The following NOX3 variants were observed in gnomAD, a reference collection of about 807,000 sequenced individuals.
The protein encoded by NOX3 is NADPH oxidase 3.
A neutral mutation model predicts 76.7 loss-of-function variants in NOX3; 74 were observed. That is an observed-to-expected ratio of 0.96 (90% CI 0.80 to 1.17). The LOEUF (loss-of-function observed/expected upper bound fraction) is 1.17, where lower values mean the gene tolerates loss of function less well. NOX3 is among the 50% of genes most tolerant of loss of function. The pLI, the probability that NOX3 is intolerant of heterozygous loss-of-function variation, is 0.00. For synonymous variants in NOX3, 263 were observed against 261.1 expected (o/e 1.01, Z -0.07); for missense variants, 695 against 703.3 (o/e 0.99, Z 0.13).
intron 6 of NOX3, among the ~76,000 whole-genome samples, chr6:155,439,476 G>A (rs1186792751): frequency 6.6e-6 from 1 of 152,112 alleles, no homozygotes; most frequent in Non-Finnish European, 1.5e-5. Context: ...GACCTGAAGG[G>A]CTCACTCTGA....
At position 155,415,019 on chromosome 6, in the gene NOX3, G is replaced by A. The variant is rs560406921; in HGVS notation, c.1309-3659C>T. Reference sequence around the variant, plus strand: ...GAGGGTTTCTGTGTGCATGTGGCCCGTCATAGACCTTAGTTTCACATCATT... The same window carrying A: ...GAGGGTTTCTGTGTGCATGTGGCCCATCATAGACCTTAGTTTCACATCATT... On this transcript the variant is annotated intron_variant, in intron 10 of 13. Coordinates refer to ENST00000159060, the MANE Select transcript of NOX3 (RefSeq NM_015718.3). Among the ~76,000 whole-genome samples, 43 of 152,218 alleles carry A rather than the reference G, an allele frequency of 2.8e-4. No individual in the cohort carries two copies. In the South Asian group the frequency reaches 7.3e-3, roughly 26 times the overall value.
At chr6:155,432,423 G>C (rs1186086395) in intron 7 of NOX3, among the ~76,000 whole-genome samples, 1 of 132,970 alleles carries the variant, frequency 7.5e-6, no homozygotes, top group African/African-American at 2.7e-5. Context: ...GGTGGGGGCA[G>C]GAAGGATGTC....
intron 7 of NOX3, among the ~76,000 whole-genome samples, chr6:155,431,826 G>C (rs1251113647): frequency 6.6e-6 from 1 of 152,192 alleles, no homozygotes; most frequent in Non-Finnish European, 1.5e-5. Context: ...GTCATAAAGG[G>C]ACGAAGGTGT....
intron 12 of NOX3, among the ~76,000 whole-genome samples, chr6:155,402,522 C>T (rs1015391305): frequency 2.0e-5 from 3 of 151,864 alleles, no homozygotes; most frequent in Admixed American, 1.3e-4. Context: ...TTTAATTTTT[C>T]TTCTCTCTCC....
intron 10 of NOX3, among the ~76,000 whole-genome samples, chr6:155,416,911 C>T (rs13213474): frequency 0.2 from 29,960 of 151,708 alleles, 3,132 homozygotes; most frequent in African/African-American, 0.24. Context: ...ACACCACGCC[C>T]GGCTAATTTT....
chr6:155,444,010 C>A (rs768727920), intron 4 of NOX3, among the ~76,000 whole-genome samples: 1 of 151,606 alleles, frequency 6.6e-6, no homozygotes, highest in African/African-American at 2.4e-5. Context: ...CTTAAGAAAT[C>A]GGAAAGCATT....
intron 4 of NOX3, among the ~76,000 whole-genome samples, chr6:155,448,779 T>G (rs757424721): frequency 2.6e-5 from 4 of 152,188 alleles, no homozygotes; most frequent in African/African-American, 4.8e-5. Flanking sequence ...GGAAGTGTGG[T>G]CTGTCCTTGC....
intron 12 of NOX3, 26 bp downstream of exon 12, chr6:155,407,104 G>A (rs1776474058): frequency 6.2e-7 from 1 of 1,613,666 alleles, no homozygotes; most frequent in Non-Finnish European, 8.5e-7. Context: ...GAGCCTGGCA[G>A]GGAGAGGAGC....
chr6:155,425,207 G>T (rs1392591552), intron 9 of NOX3, among the ~76,000 whole-genome samples: 1 of 151,944 alleles, frequency 6.6e-6, no homozygotes, highest in African/African-American at 2.4e-5. Context: ...TTCCTTTTTG[G>T]CATCTCAGGC....
chr6:155,429,010 A>T lies in NOX3; in HGVS notation c.929T>A (p.Met310Lys). ...CGCCATTTTAAAGCCACGCTTTTTC[A>T]TGTGAAGTTCCAGGACTCCAGAGGG... The part of the protein sequence containing the change: ...SHPSGVLELH[M>K]KKRGFKMAPG... Residue 310 changes from methionine to lysine, a missense_variant, in exon 9 of 14, where the codon ATG becomes AAG. By Grantham distance (95) the Met-to-Lys change is moderately conservative (BLOSUM62 -1). Coordinates refer to ENST00000159060, the MANE Select transcript of NOX3 (RefSeq NM_015718.3). 6.2e-7 allele frequency: 1 copy of T among 1,610,560 alleles called. No homozygotes were observed. The highest frequency in any genetic ancestry group is 8.5e-7 in the Non-Finnish European group (1 of 1,177,658).
At chr6:155,409,929 G>T (rs116828991) in intron 11 of NOX3, among the ~76,000 whole-genome samples, 2,144 of 152,194 alleles carry the variant, frequency 0.014, 45 homozygotes, top group African/African-American at 0.048. Flanking sequence ...CAGTCCCACA[G>T]CTCCCAGTTG....
chr6:155,422,676 C>A lies in NOX3; in HGVS notation c.1308+18G>T. ...ACCTTTTAATCCATGGAAGGGTGAA[C>A]TAATGATTTTTCCGTACCTTGCTCA... On this transcript the variant is annotated intron_variant, in intron 10 of 13. Coordinates refer to ENST00000159060, the MANE Select transcript of NOX3 (RefSeq NM_015718.3). The A allele has an allele frequency of 1.2e-6, 2 of 1,611,992 alleles. No individual in the cohort carries two copies. The highest frequency in any genetic ancestry group is 1.7e-6 in the Non-Finnish European group (2 of 1,178,434).
Position 155,428,789 on chromosome 6 carries a change from C to T in NOX3, c.1145+5G>A, listed in dbSNP as rs770556350. ...AATTTATACATGAGAGAAATGGGCACGAACCTTGGCAGGCTCCAGGGCTCC... is the reference window on the plus strand; with the variant it reads ...AATTTATACATGAGAGAAATGGGCATGAACCTTGGCAGGCTCCAGGGCTCC... On this transcript the variant is annotated splice_donor_5th_base_variant and intron_variant, in intron 9 of 13. Transcript: ENST00000159060. 59 of 1,479,770 alleles carry T rather than the reference C, an allele frequency of 4.0e-5. No homozygotes were observed. The highest frequency in any genetic ancestry group is 1.2e-4 in the Admixed American group (5 of 42,960). The allele number at this position is 1,479,770 out of a possible 1,614,324, so 91.7% of individuals were successfully genotyped here. A position where few individuals can be genotyped will look rare whatever the true frequency, so the allele number is the denominator to read the frequency against.
At position 155,401,865 on chromosome 6, in the gene NOX3, C is replaced by T. The variant is rs114250848; in HGVS notation, c.1581-4903G>A. On this transcript the variant is annotated intron_variant, in intron 12 of 13. Coordinates refer to ENST00000159060, the MANE Select transcript of NOX3 (RefSeq NM_015718.3). ...TTACATCAAATTTACACCTAAAAGGCGTGGTGAAGTTATTAACAGATAGGT... is the reference window on the plus strand; with the variant it reads ...TTACATCAAATTTACACCTAAAAGGTGTGGTGAAGTTATTAACAGATAGGT... Among the ~76,000 whole-genome samples the T allele has an allele frequency of 9.9e-3, 1,483 of 149,958 alleles. 26 individuals are homozygous for T. Among genetic ancestry groups the T allele is most frequent in the African/African-American group, 0.035 (1,430 of 40,878 alleles).
chr6:155,428,388 C>A (rs1162601562), intron 9 of NOX3, among the ~76,000 whole-genome samples: 2 of 152,132 alleles, frequency 1.3e-5, no homozygotes, highest in South Asian at 4.2e-4. Context: ...GAAGAGGACA[C>A]AGAAACATAG....
chr6:155,414,063 C>T (rs762528982), intron 10 of NOX3, among the ~76,000 whole-genome samples: 1 of 152,096 alleles, frequency 6.6e-6, no homozygotes, highest in African/African-American at 2.4e-5. Context: ...TTTGCTTCCT[C>T]GTAATGGCTT....
chr6:155,444,871 C>G (rs1317392653), intron 4 of NOX3, among the ~76,000 whole-genome samples: 2 of 152,162 alleles, frequency 1.3e-5, no homozygotes, highest in Non-Finnish European at 1.5e-5. Flanking sequence ...TATACCCCTG[C>G]ACATACACAT....
At chr6:155,438,077 C>T (rs1162699891) in intron 6 of NOX3, among the ~76,000 whole-genome samples, 2 of 152,220 alleles carry the variant, frequency 1.3e-5, no homozygotes, top group African/African-American at 4.8e-5. Flanking sequence ...CTACAATGCA[C>T]CAGGGTGTGG....
chr6:155,431,614 C>T (rs181932087), intron 7 of NOX3, among the ~76,000 whole-genome samples: 1 of 152,284 alleles, frequency 6.6e-6, no homozygotes, highest in Admixed American at 6.5e-5. Flanking sequence ...ATGTGCATTA[C>T]TGATGATCAA....
Sources: allele counts gnomAD v4.1 joint callset (sites outside exome capture counted in the v4.1 genomes callset), GRCh38; gene constraint gnomAD v4.1.1; transcripts MANE v1.5; gene names NCBI Gene and HGNC (gene_info 2026-07-23, HGNC 2026-07-21).